Variants in TRPC3 observed in about 807,000 individuals in gnomAD.
TRPC3 encodes short transient receptor potential channel 3.
In TRPC3, 54 loss-of-function variants were observed where a neutral mutation model predicts 90.9. The observed-to-expected ratio is 0.59, with a 90% CI of 0.48 to 0.75. TRPC3 has a LOEUF of 0.75. TRPC3 is among the 30% of genes least tolerant of loss of function. TRPC3 has a pLI of 0.00. For synonymous variants in TRPC3, 424 were observed against 450.9 expected, an observed-to-expected ratio of 0.94 and a Z score of 0.75; for missense variants, 918 against 1,194.5, an observed-to-expected ratio of 0.77 and a Z score of 3.41.
At chr4:121,916,065 C>T (rs1177086441) in intron 3 of TRPC3, among the ~76,000 whole-genome samples, 1 of 152,158 alleles carries the variant, frequency 6.6e-6, no homozygotes, top group African/African-American at 2.4e-5. Context: ...AGAGTAGCTG[C>T]AGTTCCTACT....
chr4:121,904,422 T>C lies in TRPC3; in HGVS notation c.2153A>G (p.Asn718Ser), dbSNP rs1214599634. Residue 718 changes from asparagine to serine, a missense_variant, in exon 8 of 12, where the codon AAT (asparagine) becomes AGT (serine). Asn to Ser is a conservative substitution (Grantham distance 46). Transcript: ENST00000379645. ...TATTCCATAAAGAACGTATCCAATA[T>C]TTTCTATGAATTTGTGATCATATTT... ...VLKYDHKFIE[N>S]IGYVLYGIYN... 1.6e-5 allele frequency: 26 copies of C among 1,606,854 alleles called. No individual in the cohort carries two copies. The highest frequency in any genetic ancestry group is 2.1e-5 in the Non-Finnish European group (25 of 1,178,080).
At chr4:121,946,803 T>G (rs1730505609) in intron 1 of TRPC3, among the ~76,000 whole-genome samples, 1 of 152,140 alleles carries the variant, frequency 6.6e-6, no homozygotes, top group South Asian at 2.1e-4. Context: ...TAAAAATAAC[T>G]TAAACCAACA....
rs533502924 is a variant in TRPC3 at position 121,896,812 on chromosome 4, C to T, written c.2547+2800G>A. ...TAATATCCTAAAATTTGTAGGGAATCATAAAAGACCCCAAATAGCCAAAGC... is the reference window on the plus strand; with the variant it reads ...TAATATCCTAAAATTTGTAGGGAATTATAAAAGACCCCAAATAGCCAAAGC... On this transcript the variant is annotated intron_variant, in intron 10 of 11. Coordinates refer to ENST00000379645, the MANE Select transcript of TRPC3 (RefSeq NM_001130698.2). Among the ~76,000 whole-genome samples the T allele has an allele frequency of 1.6e-4, 25 of 152,166 alleles. No individual in the cohort carries two copies. In the South Asian group the frequency reaches 1.7e-3, roughly 10 times the overall value.
intron 10 of TRPC3, among the ~76,000 whole-genome samples, chr4:121,895,267 A>G (rs1425972594): frequency 6.6e-6 from 1 of 152,174 alleles, no homozygotes; most frequent in Non-Finnish European, 1.5e-5. Context: ...AAAAGCATAA[A>G]AAATGCTTGA....
intron 6 of TRPC3, 40 bp downstream of exon 6, chr4:121,910,103 GTTCCAATACCT>G: frequency 6.8e-7 from 1 of 1,479,632 alleles, no homozygotes; most frequent in Non-Finnish European, 9.4e-7. Flanking sequence ...CCAAAATGTG[GTTCCAATACCT>G]TTCCCAAAAC....
At position 121,944,042 on chromosome 4, in the gene TRPC3, A is replaced by G. The variant is rs191832783; in HGVS notation, c.215+7424T>C. On this transcript the variant is annotated intron_variant, in intron 1 of 11. Transcript: ENST00000379645. ...AAAGTCACTGCTGAGCCCCTCGTGC[A>G]TAAGCGTGAAGTCAGCCATCCCACA... is the stretch of plus-strand genomic sequence containing the variant. 2.6e-5 allele frequency among the ~76,000 whole-genome samples: 4 copies of G among 152,294 alleles called. No homozygotes were observed. In the East Asian group the frequency reaches 7.7e-4, roughly 29 times the overall value.
Position 121,876,776 on chromosome 4 carries a change from G to T in TRPC3, c.*2960C>A, listed in dbSNP as rs991171598. On this transcript the variant is annotated 3_prime_UTR_variant, in exon 12 of 12. Coordinates refer to ENST00000379645, the MANE Select transcript of TRPC3 (RefSeq NM_001130698.2). ...CAGATTGTGACTTCCATAAAGTCAT[G>T]GGTGCTCTGTAAATTCAATACAGCA... 1.5e-4 allele frequency among the ~76,000 whole-genome samples: 23 copies of T among 152,086 alleles called. No individual in the cohort carries two copies. The highest frequency in any genetic ancestry group is 2.9e-5 in the Non-Finnish European group (2 of 68,020).
intron 3 of TRPC3, among the ~76,000 whole-genome samples, chr4:121,921,372 A>G (rs1729498275): frequency 6.6e-6 from 1 of 151,272 alleles, no homozygotes; most frequent in Non-Finnish European, 1.5e-5. Context: ...AATACAAAAA[A>G]TTAGCCGGGC....
At chr4:121,885,283 T>C (rs1728075327) in intron 10 of TRPC3, among the ~76,000 whole-genome samples, 1 of 152,198 alleles carries the variant, frequency 6.6e-6, no homozygotes, top group South Asian at 2.1e-4. Context: ...GAAGCTTGTC[T>C]AGTAAACCCA....
At chr4:121,899,404 C>G (rs1376896014) in intron 10 of TRPC3, among the ~76,000 whole-genome samples, 1 of 152,044 alleles carries the variant, frequency 6.6e-6, no homozygotes, top group Non-Finnish European at 1.5e-5. Flanking sequence ...CTAAAGTCTC[C>G]TCCAACTAAC....
intron 10 of TRPC3, among the ~76,000 whole-genome samples, chr4:121,898,753 G>A (rs1728602631): frequency 6.6e-6 from 1 of 152,072 alleles, no homozygotes; most frequent in Non-Finnish European, 1.5e-5. Flanking sequence ...TCCTACATAT[G>A]TATCAAAACA....
intron 8 of TRPC3, among the ~76,000 whole-genome samples, chr4:121,903,383 C>T (rs1443394581): frequency 6.6e-6 from 1 of 152,146 alleles, no homozygotes; most frequent in African/African-American, 2.4e-5. Context: ...CTCTGTCCCC[C>T]ACCCAGTCAA....
chr4:121,911,294 G>A (rs191280560), intron 5 of TRPC3, among the ~76,000 whole-genome samples: 9 of 152,240 alleles, frequency 5.9e-5, no homozygotes, highest in African/African-American at 9.6e-5. Context: ...TTTCTTAGCA[G>A]AGAACACAAT....
At position 121,951,804 on chromosome 4, in the gene TRPC3, A is replaced by G; in HGVS notation, c.-124T>C. On this transcript the variant is annotated 5_prime_UTR_variant, in exon 1 of 12. Transcript: ENST00000379645. This position sits in a 1 kb window ranked among gnomAD's most constrained non-coding sequence, Gnocchi z 4.4. Reference sequence around the variant, plus strand: ...CGGCTTCCGGGGCCCCGGGCGGCCCAGGGCGGGAAGGCAGGAGCGGAGAGC... The same window carrying G: ...CGGCTTCCGGGGCCCCGGGCGGCCCGGGGCGGGAAGGCAGGAGCGGAGAGC... 1 of 716,038 alleles carries G rather than the reference A, an allele frequency of 1.4e-6. No homozygotes were observed. Among genetic ancestry groups the G allele is most frequent in the Non-Finnish European group, 2.0e-6 (1 of 503,646 alleles). The allele number at this position is 716,038 out of a possible 1,614,324, so 44.4% of individuals were successfully genotyped here. A position where few individuals can be genotyped will look rare whatever the true frequency, so the allele number is the denominator to read the frequency against.
chr4:121,911,189 C>A (rs13141092), intron 5 of TRPC3, among the ~76,000 whole-genome samples: 49,359 of 151,978 alleles, frequency 0.32, 8,025 homozygotes, highest in East Asian at 0.4. Context: ...CTACTAACTC[C>A]GAAAATGAGA....
At chr4:121,880,695 T>C (rs938807758) in intron 11 of TRPC3, among the ~76,000 whole-genome samples, 2 of 152,178 alleles carry the variant, frequency 1.3e-5, no homozygotes, top group Admixed American at 6.5e-5. Context: ...GACCGTAATG[T>C]AGATAAACCA....
chr4:121,911,837 CT>C (rs1560700207), intron 5 of TRPC3, 39 bp downstream of exon 5: 1 of 1,531,152 alleles, frequency 6.5e-7, no homozygotes, highest in Non-Finnish European at 8.9e-7. Flanking sequence ...CTATAATTAC[CT>C]TTTGGTAGAA....
At chr4:121,928,000 T>C (rs1403279878) in intron 2 of TRPC3, among the ~76,000 whole-genome samples, 2 of 152,224 alleles carry the variant, frequency 1.3e-5, no homozygotes, top group Non-Finnish European at 2.9e-5. Context: ...TTTTTTTAGA[T>C]GAAATTTCCT....
Position 121,921,930 on chromosome 4 carries a change from T to G in TRPC3, c.1176+3088A>C, listed in dbSNP as rs535388213. Among the ~76,000 whole-genome samples, 1,369 of 150,048 alleles carry G rather than the reference T, an allele frequency of 9.1e-3. 12 individuals are homozygous for G. Among genetic ancestry groups the G allele is most frequent in the South Asian group, 0.026 (123 of 4,668 alleles). ...TTGGGTTTTTTTTTGTTTTTTTTTT[T>G]TTTTTCGAGTCGGAGTCTCGCTCTG... On this transcript the variant is annotated intron_variant, in intron 3 of 11. Transcript: ENST00000379645.
Sources: gnomAD v4.1 joint callset for allele counts (sites outside exome capture counted in the v4.1 genomes callset) on GRCh38, gnomAD v4.1.1 for gene constraint, Gnocchi (gnomAD v3.1) non-coding constraint, MANE v1.5 for transcripts, NCBI Gene and HGNC (gene_info 2026-07-23, HGNC 2026-07-21) for gene names.